Variants in ROBO2 observed in about 807,000 individuals in gnomAD.
ROBO2 encodes roundabout guidance receptor 2.
In ROBO2, 53 loss-of-function variants were observed where a neutral mutation model predicts 160.8. The ratio of observed to expected loss-of-function variants is 0.33; its 90% CI spans 0.26 to 0.41. The LOEUF is 0.41. Ranked by LOEUF, ROBO2 falls within the 10% of genes least tolerant of loss-of-function variation. The pLI is 1.00. For synonymous variants in ROBO2, 664 were observed against 611.7 expected (o/e 1.09, Z -1.26); for missense variants, 1,577 against 1,722.4 (o/e 0.92, Z 1.49).
intron 1 of ROBO2, among the ~76,000 whole-genome samples, chr3:75,909,456 T>A (rs1197916080): frequency 6.6e-6 from 1 of 152,172 alleles, no homozygotes; most frequent in Non-Finnish European, 1.5e-5. Context: ...AAATTGATAG[T>A]TACCTTGGGG....
chr3:77,643,990 G>A (rs576044977), intron 24 of ROBO2, among the ~76,000 whole-genome samples: 6 of 152,204 alleles, frequency 3.9e-5, no homozygotes, highest in South Asian at 2.1e-4. Context: ...TAGAAAGAAC[G>A]TGAAAGACAG....
intron 1 of ROBO2, among the ~76,000 whole-genome samples, chr3:77,057,407 A>G (rs1312882807): frequency 6.6e-6 from 1 of 151,950 alleles, no homozygotes; most frequent in Non-Finnish European, 1.5e-5. Flanking sequence ...ACATGTACAC[A>G]TATGTAACAA....
intron 2 of ROBO2, among the ~76,000 whole-genome samples, chr3:76,721,725 C>T (rs968480696): frequency 6.6e-6 from 1 of 152,228 alleles, no homozygotes; most frequent in East Asian, 1.9e-4. Flanking sequence ...TTCTACCACA[C>T]TATTCTTTTT....
chr3:76,490,941 CA>C (rs1399714269), intron 2 of ROBO2, among the ~76,000 whole-genome samples: 3 of 149,726 alleles, frequency 2.0e-5, no homozygotes, highest in Non-Finnish European at 4.4e-5. Flanking sequence ...ATTTGATCCT[CA>C]ATGAAGATTA....
intron 2 of ROBO2, among the ~76,000 whole-genome samples, chr3:76,186,723 A>G (rs183995545): frequency 6.6e-6 from 1 of 152,174 alleles, no homozygotes; most frequent in East Asian, 1.9e-4. Context: ...CCACTTCTAC[A>G]TTGTGTTCCC....
At chr3:76,822,666 T>C (rs942016508) in intron 2 of ROBO2, among the ~76,000 whole-genome samples, 1 of 151,590 alleles carries the variant, frequency 6.6e-6, no homozygotes, top group Non-Finnish European at 1.5e-5. Context: ...TTACAAATAA[T>C]ATAGTAGGAG....
intron 2 of ROBO2, among the ~76,000 whole-genome samples, chr3:76,262,232 A>G (rs958333044): frequency 6.6e-6 from 1 of 152,154 alleles, no homozygotes; most frequent in Non-Finnish European, 1.5e-5. Context: ...ATTAAATATT[A>G]TAATGTAGTT....
intron 2 of ROBO2, among the ~76,000 whole-genome samples, chr3:76,319,209 C>T (rs1264634277): frequency 6.6e-6 from 1 of 152,058 alleles, no homozygotes; most frequent in Non-Finnish European, 1.5e-5. Context: ...CAAAGGATCA[C>T]AATCCCAGAC....
At chr3:77,570,053 C>T (rs560433035) in intron 13 of ROBO2, among the ~76,000 whole-genome samples, 2 of 151,884 alleles carry the variant, frequency 1.3e-5, no homozygotes, top group Non-Finnish European at 2.9e-5. Flanking sequence ...CCTTTTCTAT[C>T]TTTCAGTACC....
intron 2 of ROBO2, among the ~76,000 whole-genome samples, chr3:76,788,285 T>A (rs913761818): frequency 6.6e-6 from 1 of 151,484 alleles, no homozygotes; most frequent in African/African-American, 2.4e-5. Context: ...ACACAGCACA[T>A]ACTCTAATAA....
At chr3:77,167,442 G>A (rs2079198165) in intron 2 of ROBO2, among the ~76,000 whole-genome samples, 1 of 152,100 alleles carries the variant, frequency 6.6e-6, no homozygotes, top group Non-Finnish European at 1.5e-5. Flanking sequence ...TGGCCTCACT[G>A]CTAGGTATAC....
At chr3:77,528,329 G>A (rs1317721834) in intron 6 of ROBO2, among the ~76,000 whole-genome samples, 1 of 151,460 alleles carries the variant, frequency 6.6e-6, no homozygotes, top group African/African-American at 2.4e-5. Flanking sequence ...TCAATTTTGA[G>A]GGCTTTATAA....
At chr3:76,724,160 T>A (rs2093510034) in intron 2 of ROBO2, among the ~76,000 whole-genome samples, 1 of 152,186 alleles carries the variant, frequency 6.6e-6, no homozygotes, top group Non-Finnish European at 1.5e-5. Flanking sequence ...TGTCCTTAGA[T>A]GTTTTAGCAT....
At chr3:76,849,591 TATC>T (rs1238422247) in intron 2 of ROBO2, among the ~76,000 whole-genome samples, 1 of 152,232 alleles carries the variant, frequency 6.6e-6, no homozygotes, top group Non-Finnish European at 1.5e-5. Context: ...AATTTTAAAA[TATC>T]ATAACGTATA....
At chr3:77,139,339 C>G (rs2076524759) in intron 2 of ROBO2, among the ~76,000 whole-genome samples, 1 of 152,084 alleles carries the variant, frequency 6.6e-6, no homozygotes, top group Non-Finnish European at 1.5e-5. Context: ...CTTCCATGTA[C>G]TTTATTCCAT....
chr3:76,491,739 T>C (rs935209092), intron 2 of ROBO2, among the ~76,000 whole-genome samples: 3 of 152,204 alleles, frequency 2.0e-5, no homozygotes, highest in Admixed American at 6.6e-5. Context: ...TTTTTATTCT[T>C]ATATTCTCCC....
At chr3:76,212,764 T>C (rs2107330957) in intron 2 of ROBO2, among the ~76,000 whole-genome samples, 1 of 152,072 alleles carries the variant, frequency 6.6e-6, no homozygotes, top group East Asian at 1.9e-4. Flanking sequence ...TTCTCCCCAT[T>C]AGGCTGAAAT....
chr3:76,960,879 T>G (rs1417825992), intron 2 of ROBO2, among the ~76,000 whole-genome samples: 2 of 152,154 alleles, frequency 1.3e-5, no homozygotes, highest in Non-Finnish European at 2.9e-5. Context: ...AATACAATAT[T>G]AAATGTAGAC....
Position 76,833,021 on chromosome 3 carries a change from T to A in ROBO2, c.110-264993T>A, listed in dbSNP as rs532254404. 2.6e-5 allele frequency among the ~76,000 whole-genome samples: 4 copies of A among 151,912 alleles called. No individual in the cohort carries two copies. In the South Asian group the frequency reaches 8.3e-4, roughly 32 times the overall value. ...AAAGTTCAATTTTAGGGAGAAAAAA[T>A]TATATATAACATGGAGCGTGATAGG... On this transcript the variant is annotated intron_variant, in intron 2 of 26. Transcript: ENST00000487694.
Sources: allele counts gnomAD v4.1 joint callset (sites outside exome capture counted in the v4.1 genomes callset), GRCh38; gene constraint gnomAD v4.1.1; transcripts MANE v1.5; gene names NCBI Gene and HGNC (gene_info 2026-07-23, HGNC 2026-07-21).